The following CD80 variants were observed in gnomAD, a reference collection of about 807,000 sequenced individuals.
The protein encoded by CD80 is CD80 molecule.
In CD80, 13 loss-of-function variants were observed where a neutral mutation model predicts 27.1. That is an observed-to-expected ratio of 0.48 (90% CI 0.31 to 0.76). CD80 has a LOEUF of 0.76. CD80 is among the 30% of genes least tolerant of loss of function. The pLI is 0.04. For synonymous variants in CD80, 125 were observed against 125.5 expected (o/e 1.00, Z 0.03); for missense variants, 277 against 347.9 (o/e 0.80, Z 1.62).
At chr3:119,544,103 G>A (rs2082186661) in intron 3 of CD80, among the ~76,000 whole-genome samples, 1 of 151,988 alleles carries the variant, frequency 6.6e-6, no homozygotes, top group Admixed American at 6.6e-5. Flanking sequence ...GGCCAGGCTG[G>A]TCTTGAACTC....
At chr3:119,527,968 G>T in intron 5 of CD80, 127 bp from the exon 6 acceptor site, 3 of 778,886 alleles carry the variant, frequency 3.9e-6, no homozygotes, top group East Asian at 2.6e-5. Flanking sequence ...TTATACCAGG[G>T]GTGATTTACA....
In CD80 at chr3:119,537,172, T is replaced by C; in HGVS notation, c.665A>G (p.His222Arg). 6.2e-7 allele frequency: 1 copy of C among 1,614,128 alleles called. No homozygotes were observed. Among genetic ancestry groups the C allele is most frequent in the Non-Finnish European group, 8.5e-7 (1 of 1,179,944 alleles). ...HSFMCLIKYG[H>R]LRVNQTFNWN... ...GTTGAAGGTCTGATTCACTCTTAAATGTCCATACTTGATGAGACACATGAA... is the reference window on the plus strand; with the variant it reads ...GTTGAAGGTCTGATTCACTCTTAAACGTCCATACTTGATGAGACACATGAA... The change falls in exon 4 of 7, where the codon CAT becomes CGT. Residue 222 changes from histidine (H) to arginine (R), a missense_variant. His to Arg is a conservative substitution (Grantham distance 29). Coordinates refer to ENST00000264246, the MANE Select transcript of CD80 (RefSeq NM_005191.4).
chr3:119,554,523 A>T (rs1224990574), intron 2 of CD80, among the ~76,000 whole-genome samples: 1 of 152,092 alleles, frequency 6.6e-6, no homozygotes, highest in Non-Finnish European at 1.5e-5. Flanking sequence ...CTGCCTCCAT[A>T]GACAGTGCCT....
intron 6 of CD80, among the ~76,000 whole-genome samples, chr3:119,526,599 C>T (rs1433283309): frequency 2.0e-5 from 3 of 152,070 alleles, no homozygotes; most frequent in Admixed American, 6.6e-5. Context: ...TCTGTATGAC[C>T]GTACCTCAAG....
At chr3:119,545,003 G>A (rs1403923572) in intron 2 of CD80, 136 bp from the exon 3 acceptor site, 3 of 689,034 alleles carry the variant, frequency 4.4e-6, no homozygotes, top group Non-Finnish European at 7.3e-6. Context: ...TTTGATTTTT[G>A]GGGTCCCCAA....
chr3:119,546,009 T>C (rs923166693), intron 2 of CD80, among the ~76,000 whole-genome samples: 1 of 152,320 alleles, frequency 6.6e-6, no homozygotes, highest in East Asian at 1.9e-4. Context: ...CTAAATGTGA[T>C]TGCATAAAAA....
intron 2 of CD80, among the ~76,000 whole-genome samples, chr3:119,556,131 C>T (rs2082263590): frequency 6.6e-6 from 1 of 152,142 alleles, no homozygotes; most frequent in African/African-American, 2.4e-5. Flanking sequence ...ACTTTTATGG[C>T]CCACCTGGCA....
Position 119,545,036 on chromosome 3 carries a change from T to A in CD80, c.101-169A>T, listed in dbSNP as rs527966354. Among the ~76,000 whole-genome samples, 10 of 152,282 alleles carry A rather than the reference T, an allele frequency of 6.6e-5. No individual in the cohort carries two copies. The South Asian group carries it at 1.7e-3, about 25-fold the overall frequency. On this transcript the variant is annotated intron_variant, in intron 2 of 6. Coordinates refer to ENST00000264246, the MANE Select transcript of CD80 (RefSeq NM_005191.4). The stretch of plus-strand genomic sequence containing the variant: ...CAATGCTTTTTTTCTCTTCATTTTT[T>A]AAAAATTGTGGTAAAAAACACAACA...
At chr3:119,552,369 T>C (rs953489333) in intron 2 of CD80, among the ~76,000 whole-genome samples, 2 of 151,722 alleles carry the variant, frequency 1.3e-5, no homozygotes, top group African/African-American at 4.8e-5. Context: ...CTGATTTTTG[T>C]GTGGAGGACT....
At position 119,524,705 on chromosome 3, in the gene CD80, C is replaced by T. The variant is rs969186278; in HGVS notation, c.*1083G>A. 1 of 152,188 alleles carries T rather than the reference C, an allele frequency of 6.6e-6. No homozygotes were observed. Among genetic ancestry groups the T allele is most frequent in the Admixed American group, 6.5e-5 (1 of 15,276 alleles). The allele number at this position is 152,188 out of a possible 1,614,324, so 9.4% of individuals were successfully genotyped here. On this transcript the variant is annotated 3_prime_UTR_variant, in exon 7 of 7. Transcript: ENST00000264246. ...TGATTATCCCAGCTTAAGTTGCGTC[C>T]ACTTCTGGTCTAGTGAATTGTGGAA...
intron 2 of CD80, among the ~76,000 whole-genome samples, chr3:119,552,477 GC>G (rs970839816): frequency 7.6e-6 from 1 of 131,246 alleles, no homozygotes; most frequent in African/African-American, 2.9e-5. Context: ...TTGTGCCACT[GC>G]ACTCCAGCTT....
intron 2 of CD80, 143 bp from the exon 3 acceptor site, chr3:119,545,010 C>G (rs1432537391): frequency 1.5e-6 from 1 of 664,080 alleles, no homozygotes; most frequent in Non-Finnish European, 2.6e-6. Context: ...TTTGGGGTCC[C>G]CAATGCTTTT....
rs10661634 is a variant in CD80 at position 119,546,815 on chromosome 3, A to AACACACAC, written c.101-1956_101-1949dup. On this transcript the variant is annotated intron_variant, in intron 2 of 6. Transcript: ENST00000264246. ...TCTCCCCACAATCACGTGATGCAAC[A>AACACACAC]ACACACACACACACACACACACACA... 2.1e-3 allele frequency among the ~76,000 whole-genome samples: 313 copies of AACACACAC among 149,360 alleles called. 1 individual carries two copies. The highest frequency in any genetic ancestry group is 4.2e-3 in the African/African-American group (171 of 40,688).
At chr3:119,556,646 A>C (rs940012704) in intron 2 of CD80, among the ~76,000 whole-genome samples, 1 of 151,974 alleles carries the variant, frequency 6.6e-6, no homozygotes, top group Non-Finnish European at 1.5e-5. Flanking sequence ...TGGGCCCCCA[A>C]CTCCTCTTCT....
chr3:119,558,365 C>T (rs1034411564), intron 1 of CD80, among the ~76,000 whole-genome samples: 1 of 152,104 alleles, frequency 6.6e-6, no homozygotes, highest in African/African-American at 2.4e-5. Flanking sequence ...AAACCCTCTA[C>T]TCAAATAATA....
intron 2 of CD80, among the ~76,000 whole-genome samples, chr3:119,548,748 A>T (rs1227617588): frequency 6.6e-6 from 1 of 152,050 alleles, no homozygotes; most frequent in Non-Finnish European, 1.5e-5. Context: ...TAAGAAACAG[A>T]GTCCCAGGCC....
rs768291211 is a variant in CD80, at chr3:119,557,678, G to A, written c.51C>T (p.Leu17=). ...CCAGCACCAAGAGCTGAAAGAAATTGAGGTATGGACACTTGGATGGTGATG... is the reference window on the plus strand; with the variant it reads ...CCAGCACCAAGAGCTGAAAGAAATTAAGGTATGGACACTTGGATGGTGATG... The part of the protein sequence containing the change: ...QGTSPSKCPY[L]NFFQLLVLAG... The change falls in exon 2 of 7, where the codon CTC becomes CTT. Residue 17 remains leucine (L), a synonymous_variant. Coordinates refer to ENST00000264246, the MANE Select transcript of CD80 (RefSeq NM_005191.4). 6.2e-7 allele frequency: 1 copy of A among 1,613,892 alleles called. No individual in the cohort carries two copies. The highest frequency in any genetic ancestry group is 1.1e-5 in the South Asian group (1 of 90,964).
intron 3 of CD80, among the ~76,000 whole-genome samples, chr3:119,541,594 G>A (rs377600637): frequency 2.0e-5 from 3 of 152,272 alleles, no homozygotes; most frequent in South Asian, 4.1e-4. Flanking sequence ...AGCAGCACAG[G>A]CATCACCTGA....
intron 2 of CD80, among the ~76,000 whole-genome samples, chr3:119,546,186 T>C (rs2082201696): frequency 6.6e-6 from 1 of 152,194 alleles, no homozygotes; most frequent in Non-Finnish European, 1.5e-5. Context: ...TTTAGTCCTA[T>C]TACTTCTTAT....
Sources: allele counts gnomAD v4.1 joint callset (sites outside exome capture counted in the v4.1 genomes callset), GRCh38; gene constraint gnomAD v4.1.1; transcripts MANE v1.5; gene names NCBI Gene and HGNC (gene_info 2026-07-23, HGNC 2026-07-21).